The following CEP290 variants were observed in gnomAD, a reference collection of about 807,000 sequenced individuals.
CEP290 encodes centrosomal protein of 290 kDa.
Under a neutral mutation model 344.9 loss-of-function variants are expected in CEP290, and 317 were observed. The ratio of observed to expected loss-of-function variants is 0.92; its 90% CI spans 0.84 to 1.01. The LOEUF is 1.01. CEP290 is among the 50% of genes least tolerant of loss of function. The probability of loss-of-function intolerance (pLI) is 0.00; values close to 1 mark genes in which losing one functional copy is unlikely to be tolerated. For synonymous variants in CEP290, 932 were observed against 895.8 expected (o/e 1.04, Z -0.72); for missense variants, 2,754 against 2,761.4 (o/e 1.00, Z 0.06).
Position 88,089,124 on chromosome 12 carries a change from T to G in CEP290, c.3937A>C (p.Asn1313His), listed in dbSNP as rs2036815423. ...ATCTCCAATGTTTTGTTCTCCATATTTCTATGTTCTTGTTGAGAATTTTTC... is the reference window on the plus strand; with the variant it reads ...ATCTCCAATGTTTTGTTCTCCATATGTCTATGTTCTTGTTGAGAATTTTTC... ...EMKNSQQEHR[N>H]MENKTLEMEL... The change falls in exon 31 of 54, where the codon AAT (asparagine) becomes CAT (histidine). Residue 1313 changes from asparagine (N) to histidine (H), a missense_variant. Asn to His is a moderately conservative substitution (Grantham distance 68, BLOSUM62 1). Coordinates refer to ENST00000552810, the MANE Select transcript of CEP290 (RefSeq NM_025114.4). 1 of 1,590,516 alleles carries G rather than the reference T, an allele frequency of 6.3e-7. No individual in the cohort carries two copies. The highest frequency in any genetic ancestry group is 1.4e-5 in the African/African-American group (1 of 73,698).
At position 88,139,176 on chromosome 12, in the gene CEP290, GT is replaced by G. The variant is rs281865191; in HGVS notation, c.265del (p.Thr89LeufsTer3). The G allele has an allele frequency of 8.6e-7, 1 of 1,156,470 alleles. No individual in the cohort carries two copies. The highest frequency in any genetic ancestry group is 1.2e-6 in the Non-Finnish European group (1 of 845,932). The allele number at this position is 1,156,470 out of a possible 1,614,324, so 71.6% of individuals were successfully genotyped here. ...TTCATTTTCCAGTTTCATTACTTTA[GT>G]TTTTAATTGATTTTCTATTTTTTTA... Reference protein sequence around the residue: ...EQAKFENQLKTKVMKLENELE... With the variant: ...EQAKFENQLKXKVMKLENELE... On this transcript the variant is annotated frameshift_variant, in exon 5 of 54. Transcript: ENST00000552810. LOFTEE classifies it high-confidence loss of function.
At chr12:88,054,247 T>A (rs1052819339) in intron 51 of CEP290, 93 bp downstream of exon 51, 7 of 794,696 alleles carry the variant, frequency 8.8e-6, no homozygotes, top group Non-Finnish European at 1.4e-5. Context: ...CGAAAAATGC[T>A]TGTCTCTAGT....
chr12:88,071,133 A>AAT lies in CEP290; in HGVS notation c.6011+160_6011+161insAT, dbSNP rs145898720. On this transcript the variant is annotated intron_variant, in intron 43 of 53. Transcript: ENST00000552810. ...ATAATATTCAAAAGATCAAAAATAC[A>AAT]CCAAAATTATGTGGCATATGAAGAA... 7.5e-3 allele frequency among the ~76,000 whole-genome samples: 1,144 copies of AAT among 152,258 alleles called. 20 individuals are homozygous for AAT. Among genetic ancestry groups the AAT allele is most frequent in the African/African-American group, 0.026 (1,098 of 41,554 alleles).
intron 43 of CEP290, 61 bp from the exon 44 acceptor site, chr12:88,068,706 T>C (rs1565807293): frequency 8.0e-6 from 12 of 1,497,986 alleles, no homozygotes; most frequent in African/African-American, 4.4e-5. Context: ...TGTTGTACTA[T>C]ATAAAAATAC....
intron 23 of CEP290, 128 bp downstream of exon 23, chr12:88,108,938 G>A (rs1315600917): frequency 3.7e-5 from 17 of 463,726 alleles, no homozygotes; most frequent in African/African-American, 6.3e-5. Context: ...AGTTACCAGA[G>A]TAAAAAAAAA....
At chr12:88,135,788 T>G (rs958084770) in intron 6 of CEP290, 3 of 151,978 alleles carry the variant, frequency 2.0e-5, no homozygotes, top group African/African-American at 7.2e-5. Context: ...AACACAACAA[T>G]GACCTAAAGG....
chr12:88,071,115 T>C (rs1265419247), intron 43 of CEP290, among the ~76,000 whole-genome samples, 179 bp downstream of exon 43: 1 of 151,938 alleles, frequency 6.6e-6, no homozygotes, highest in African/African-American at 2.4e-5. Context: ...AATATAATAT[T>C]CAAAAGATCA....
intron 26 of CEP290, among the ~76,000 whole-genome samples, chr12:88,101,159 G>A (rs918700818): frequency 6.6e-6 from 1 of 151,990 alleles, no homozygotes; most frequent in Non-Finnish European, 1.5e-5. Flanking sequence ...CTAAGACACT[G>A]CCAATAGGGA....
chr12:88,111,153 T>A, intron 22 of CEP290, 49 bp downstream of exon 22: 1 of 1,068,212 alleles, frequency 9.4e-7, no homozygotes, highest in Non-Finnish European at 1.3e-6. Flanking sequence ...CAATGATTTT[T>A]GTTATTCACA....
At chr12:88,102,756 A>G in intron 26 of CEP290, 82 bp downstream of exon 26, 1 of 1,115,766 alleles carries the variant, frequency 9.0e-7, no homozygotes, top group Non-Finnish European at 1.3e-6. Context: ...ACTTTAATTA[A>G]AATCTGCCAA....
At chr12:88,128,394 T>C (rs887819646) in intron 11 of CEP290, among the ~76,000 whole-genome samples, 1 of 152,162 alleles carries the variant, frequency 6.6e-6, no homozygotes, top group African/African-American at 2.4e-5. Flanking sequence ...TTCAGAATAA[T>C]CTCTGATGTT....
At chr12:88,090,348 A>G (rs978045535) in intron 30 of CEP290, among the ~76,000 whole-genome samples, 1 of 152,148 alleles carries the variant, frequency 6.6e-6, no homozygotes, top group Non-Finnish European at 1.5e-5. Flanking sequence ...AAATGTAACA[A>G]TGGCCCAGCA....
intron 21 of CEP290, 74 bp downstream of exon 21, chr12:88,111,620 T>A: frequency 7.7e-7 from 1 of 1,293,052 alleles, no homozygotes; most frequent in Non-Finnish European, 1.0e-6. Context: ...GCATTCTTTT[T>A]AAAAAATTAA....
chr12:88,087,208 C>T (rs1446443034), intron 32 of CEP290, among the ~76,000 whole-genome samples: 1 of 152,104 alleles, frequency 6.6e-6, no homozygotes, highest in Non-Finnish European at 1.5e-5. Context: ...CCAGTAGAAA[C>T]GTGGAACTGT....
At chr12:88,119,383 C>A (rs2039264743) in intron 15 of CEP290, among the ~76,000 whole-genome samples, 1 of 151,982 alleles carries the variant, frequency 6.6e-6, no homozygotes, top group South Asian at 2.1e-4. Context: ...AACTAATAGG[C>A]TATTTATTAA....
chr12:88,092,621 T>C (rs1002189314), intron 29 of CEP290, 60 bp downstream of exon 29: 4 of 1,489,856 alleles, frequency 2.7e-6, no homozygotes, highest in Non-Finnish European at 3.6e-6. Context: ...TTGGGTTTCT[T>C]AAAGACAAAT....
rs745317874 is a variant in CEP290, at chr12:88,093,877, T to TA, written c.3201_3202insT (p.Asn1068Ter). On this transcript the variant is annotated frameshift_variant, in exon 28 of 54. Coordinates refer to ENST00000552810, the MANE Select transcript of CEP290 (RefSeq NM_025114.4). LOFTEE classifies it high-confidence loss of function. ...CAATGTTCAGCCCGCTGCCTTTCAT[T>TA]TAATTCCTTCATTTCCAGCATAGTT... 1 of 1,613,062 alleles carries TA rather than the reference T, an allele frequency of 6.2e-7. No homozygotes were observed. Among genetic ancestry groups the TA allele is most frequent in the Admixed American group, 1.7e-5 (1 of 59,954 alleles).
chr12:88,060,928 CA>C lies in CEP290; in HGVS notation c.6423del (p.Glu2142LysfsTer10), dbSNP rs956434223. 1 of 1,557,628 alleles carries C rather than the reference CA, an allele frequency of 6.4e-7. No homozygotes were observed. The highest frequency in any genetic ancestry group is 1.4e-5 in the African/African-American group (1 of 73,672). ...TGTTCATTTTCTCTCTGGACTTTTT[CA>C]ACTACTTTTTTCATTAAACCAATGG... ...EKTIGLMKKVVEKVQRENEQL... is the reference protein window; with the variant it reads ...EKTIGLMKKVXEKVQRENEQL... On this transcript the variant is annotated frameshift_variant, in exon 47 of 54. Coordinates refer to ENST00000552810, the MANE Select transcript of CEP290 (RefSeq NM_025114.4). LOFTEE classifies it high-confidence loss of function.
intron 7 of CEP290, 84 bp from the exon 8 acceptor site, chr12:88,130,649 C>A: frequency 7.6e-7 from 1 of 1,316,054 alleles, no homozygotes; most frequent in Non-Finnish European, 1.0e-6. Context: ...CTAAAGAAAA[C>A]AAAAAAATTT....
Sources: gnomAD v4.1 joint callset for allele counts (sites outside exome capture counted in the v4.1 genomes callset) on GRCh38, gnomAD v4.1.1 for gene constraint, MANE v1.5 for transcripts, NCBI Gene and HGNC (gene_info 2026-07-23, HGNC 2026-07-21) for gene names.